ZNF420: variants seen among roughly 807,000 people sequenced by gnomAD.
The protein encoded by ZNF420 is ATM and p53-associated KZNF protein.
A neutral mutation model predicts 44.7 loss-of-function variants in ZNF420; 31 were observed. The observed-to-expected ratio is 0.69, with a 90% CI of 0.52 to 0.94. The LOEUF (loss-of-function observed/expected upper bound fraction) is 0.94. Among genes scored for constraint, ZNF420 ranks in the 40% least tolerant of loss-of-function variants. ZNF420 has a pLI of 0.00. For synonymous variants in ZNF420, 245 were observed against 267.4 expected (o/e 0.92, Z 0.82); for missense variants, 681 against 827.9 (o/e 0.82, Z 2.18).
In ZNF420 at chr19:37,091,124, A is replaced by G; in HGVS notation, c.136+3A>G. On this transcript the variant is annotated splice_donor_region_variant and intron_variant, in intron 4 of 4. Coordinates refer to ENST00000337995, the MANE Select transcript of ZNF420 (RefSeq NM_144689.5). ...CTATAGCAACTTGGTATCACTAGGT[A>G]AGGAATCTAGCCTTCATATTTCAGG... is the stretch of plus-strand genomic sequence containing the variant. 1 of 1,577,688 alleles carries G rather than the reference A, an allele frequency of 6.3e-7. No individual in the cohort carries two copies. The highest frequency in any genetic ancestry group is 8.6e-7 in the Non-Finnish European group (1 of 1,163,390).
At position 37,045,370 on chromosome 19, in the gene ZNF420, C is replaced by A. The variant is rs560458291; in HGVS notation, c.-124-34975C>A. On this transcript the variant is annotated intron_variant, in intron 1 of 4. Coordinates refer to the ZNF420 transcript ENST00000587029. The stretch of plus-strand genomic sequence containing the variant: ...ATTAAAAATGTGAATAACAGGTAAA[C>A]GTTTTGTTATTTGTTTTGTTTTGTC... 3.3e-5 allele frequency among the ~76,000 whole-genome samples: 5 copies of A among 152,110 alleles called. No homozygotes were observed. The South Asian group carries it at 6.2e-4, about 19-fold the overall frequency.
At chr19:37,048,888 C>T (rs1967590305) in intron 1 of ZNF420, among the ~76,000 whole-genome samples, 1 of 145,668 alleles carries the variant, frequency 6.9e-6, no homozygotes, top group African/African-American at 2.5e-5. Context: ...CACAACAGGC[C>T]CCAGTGTGTG....
At chr19:37,107,920 C>T (rs140478361) in intron 4 of ZNF420, among the ~76,000 whole-genome samples, 37 of 152,152 alleles carry the variant, frequency 2.4e-4, no homozygotes, top group Non-Finnish European at 4.6e-4. Context: ...TCCCTGTAGA[C>T]GGCATCTAAC....
chr19:37,048,438 A>C (rs957739812), intron 1 of ZNF420, among the ~76,000 whole-genome samples: 1 of 152,244 alleles, frequency 6.6e-6, no homozygotes, highest in Non-Finnish European at 1.5e-5. Context: ...AATACTGCTC[A>C]GCATTTTTAA....
At chr19:37,030,891 C>T (rs142233086) in intron 1 of ZNF420, among the ~76,000 whole-genome samples, 3 of 152,170 alleles carry the variant, frequency 2.0e-5, no homozygotes, top group East Asian at 1.9e-4. Flanking sequence ...TGTTTTCTTT[C>T]GTTGTTGTTG....
intron 4 of ZNF420, among the ~76,000 whole-genome samples, chr19:37,110,707 C>T (rs1462620871): frequency 6.6e-6 from 1 of 152,154 alleles, no homozygotes; most frequent in Non-Finnish European, 1.5e-5. Context: ...GTAATGACTG[C>T]AACCAACTCT....
chr19:37,048,432 C>G (rs2146419751), intron 1 of ZNF420, among the ~76,000 whole-genome samples: 1 of 152,296 alleles, frequency 6.6e-6, no homozygotes, highest in East Asian at 1.9e-4. Context: ...TGTTCTAATA[C>G]TGCTCAGCAT....
intron 1 of ZNF420, among the ~76,000 whole-genome samples, chr19:37,059,796 C>T (rs1436300276): frequency 6.7e-6 from 1 of 148,766 alleles, no homozygotes; most frequent in Non-Finnish European, 1.5e-5. Flanking sequence ...CTGTCTCTTT[C>T]TCTCTCTCTC....
At chr19:37,008,131 C>T (rs2074542324) in intron 1 of ZNF420, 1 of 298,790 alleles carries the variant, frequency 3.3e-6, no homozygotes, top group Non-Finnish European at 6.3e-6. Context: ...GACAGGTCTG[C>T]CTGTGTGCCT....
chr19:37,117,147 G>T (rs1453586557), intron 4 of ZNF420, among the ~76,000 whole-genome samples: 1 of 151,766 alleles, frequency 6.6e-6, no homozygotes, highest in African/African-American at 2.4e-5. Flanking sequence ...AGAACGGACA[G>T]ACTGCCTCCT....
intron 1 of ZNF420, among the ~76,000 whole-genome samples, chr19:37,051,857 A>G (rs1026879364): frequency 2.0e-5 from 3 of 152,172 alleles, no homozygotes; most frequent in African/African-American, 4.8e-5. Context: ...GTGGGCATTT[A>G]GTGCTATAAA....
intron 1 of ZNF420, among the ~76,000 whole-genome samples, chr19:37,062,817 A>G (rs969169950): frequency 5.3e-5 from 8 of 152,326 alleles, no homozygotes; most frequent in Admixed American, 5.2e-4. Flanking sequence ...TGAAAAAATA[A>G]GCCATCAAAA....
At chr19:37,085,870 A>G (rs1438642957) in intron 2 of ZNF420, among the ~76,000 whole-genome samples, 2 of 151,112 alleles carry the variant, frequency 1.3e-5, no homozygotes, top group African/African-American at 2.4e-5. Context: ...AGTTCAAGCA[A>G]TCCTCCTGCC....
At chr19:37,106,940 G>A (rs1802623904) in intron 4 of ZNF420, 2 of 152,146 alleles carry the variant, frequency 1.3e-5, no homozygotes. Flanking sequence ...GTGCCTTGAT[G>A]TGCACGTGTA....
chr19:37,011,985 C>T (rs1025611672), intron 1 of ZNF420, among the ~76,000 whole-genome samples: 1 of 152,210 alleles, frequency 6.6e-6, no homozygotes, highest in Non-Finnish European at 1.5e-5. Context: ...GACACCACGC[C>T]TTGAGGCTCA....
At chr19:37,021,951 A>G (rs909247627) in intron 1 of ZNF420, among the ~76,000 whole-genome samples, 25 of 149,998 alleles carry the variant, frequency 1.7e-4, no homozygotes, top group African/African-American at 5.6e-4. Flanking sequence ...AAAAAAAAAA[A>G]AAAAAAAAAA....
rs555041711 is a variant in ZNF420 at position 37,013,071 on chromosome 19, G to A, written c.-125+4989G>A. Among the ~76,000 whole-genome samples, 3 of 152,046 alleles carry A rather than the reference G, an allele frequency of 2.0e-5. No individual in the cohort carries two copies. In the South Asian group the frequency reaches 6.2e-4, roughly 32 times the overall value. On this transcript the variant is annotated intron_variant, in intron 1 of 4. Transcript: ENST00000587029. The stretch of plus-strand genomic sequence containing the variant: ...CAACATGGGGAGCATCGTGGGTCCC[G>A]CAGGAGTTGAATTCTCCTCCCCATC...
At chr19:37,100,419 G>A (rs1969702553) in intron 4 of ZNF420, among the ~76,000 whole-genome samples, 1 of 152,080 alleles carries the variant, frequency 6.6e-6, no homozygotes, top group Admixed American at 6.6e-5. Context: ...TTTTGTACAA[G>A]ATTGCTTTGG....
At chr19:37,018,550 A>G (rs1356686306) in intron 1 of ZNF420, among the ~76,000 whole-genome samples, 2 of 152,210 alleles carry the variant, frequency 1.3e-5, no homozygotes, top group Admixed American at 6.5e-5. Context: ...AAAAAAGAAT[A>G]AAGTTGAACT....
Sources: gnomAD v4.1 joint callset for allele counts (sites outside exome capture counted in the v4.1 genomes callset) on GRCh38, gnomAD v4.1.1 for gene constraint, MANE v1.5 for transcripts, NCBI Gene and HGNC (gene_info 2026-07-23, HGNC 2026-07-21) for gene names.